The following PDZD8 variants were observed in gnomAD, a reference collection of about 807,000 sequenced individuals.
PDZD8 encodes PDZ domain containing 8.
PDZD8 carries 14 observed loss-of-function variants against 85.8 expected under a neutral mutation model. The observed-to-expected ratio is 0.16, with a 90% CI of 0.11 to 0.26. PDZD8 has a LOEUF of 0.26. PDZD8 is among the 10% of genes least tolerant of loss of function. The probability of loss-of-function intolerance (pLI) is 1.00; values close to 1 mark genes in which losing one functional copy is unlikely to be tolerated. For synonymous variants in PDZD8, 592 were observed against 568.6 expected, an observed-to-expected ratio of 1.04 and a Z score of -0.59; for missense variants, 1,197 against 1,424.3, an observed-to-expected ratio of 0.84 and a Z score of 2.57.
intron 1 of PDZD8, among the ~76,000 whole-genome samples, chr10:117,358,220 G>A (rs903268291): frequency 2.0e-5 from 3 of 152,072 alleles, no homozygotes; most frequent in Admixed American, 6.6e-5. Context: ...TGAGTAACTC[G>A]TTTAACCTTT....
chr10:117,303,478 C>T (rs542473538), intron 3 of PDZD8, among the ~76,000 whole-genome samples: 5 of 152,240 alleles, frequency 3.3e-5, no homozygotes, highest in South Asian at 2.1e-4. Context: ...CCTGACTATG[C>T]GATAGAAAAG....
chr10:117,330,168 C>T (rs1844397861), intron 2 of PDZD8, among the ~76,000 whole-genome samples: 1 of 151,744 alleles, frequency 6.6e-6, no homozygotes, highest in Non-Finnish European at 1.5e-5. Context: ...GCTTGGTTGA[C>T]CTTTTATACA....
At chr10:117,304,355 C>T in intron 3 of PDZD8, among the ~76,000 whole-genome samples, 1 of 152,110 alleles carries the variant, frequency 6.6e-6, no homozygotes, top group Non-Finnish European at 1.5e-5. Context: ...TACCTGTACC[C>T]CCATCGTATC....
chr10:117,341,795 C>T (rs1844617788), intron 1 of PDZD8, among the ~76,000 whole-genome samples: 1 of 152,100 alleles, frequency 6.6e-6, no homozygotes, highest in South Asian at 2.1e-4. Flanking sequence ...GGATGTGGAG[C>T]CCACGAATAC....
chr10:117,339,412 T>C (rs1844571949), intron 2 of PDZD8, among the ~76,000 whole-genome samples: 1 of 152,140 alleles, frequency 6.6e-6, no homozygotes, highest in Non-Finnish European at 1.5e-5. Flanking sequence ...GTTGGCTTCA[T>C]GGAGCAGAGA....
intron 3 of PDZD8, among the ~76,000 whole-genome samples, chr10:117,309,344 TTC>T (rs1218818364): frequency 1.3e-5 from 2 of 151,886 alleles, no homozygotes; most frequent in African/African-American, 4.8e-5. Context: ...CCTCAAAGCA[TTC>T]AACTTATTAG....
At chr10:117,327,134 G>C (rs923355846) in intron 2 of PDZD8, among the ~76,000 whole-genome samples, 1 of 152,162 alleles carries the variant, frequency 6.6e-6, no homozygotes, top group Non-Finnish European at 1.5e-5. Context: ...TCAAAGAAAT[G>C]AGTGACCATG....
At chr10:117,307,581 A>G (rs1843965372) in intron 3 of PDZD8, among the ~76,000 whole-genome samples, 1 of 152,086 alleles carries the variant, frequency 6.6e-6, no homozygotes, top group Non-Finnish European at 1.5e-5. Context: ...AGTTAATAAA[A>G]CATCCTTATC....
At chr10:117,373,290 G>A (rs1342116273) in intron 1 of PDZD8, among the ~76,000 whole-genome samples, 1 of 152,108 alleles carries the variant, frequency 6.6e-6, no homozygotes, top group Non-Finnish European at 1.5e-5. Flanking sequence ...AATACAATTT[G>A]TACAGTGACT....
chr10:117,328,262 G>A (rs904649653), intron 2 of PDZD8, among the ~76,000 whole-genome samples: 1 of 152,162 alleles, frequency 6.6e-6, no homozygotes, highest in African/African-American at 2.4e-5. Context: ...CTATGTCAGT[G>A]CTTCTTGTGC....
intron 3 of PDZD8, among the ~76,000 whole-genome samples, chr10:117,292,730 T>C (rs979638068): frequency 1.3e-5 from 2 of 151,788 alleles, no homozygotes; most frequent in African/African-American, 4.8e-5. Flanking sequence ...TCCCTTTGCT[T>C]TTCTTAATTC....
At chr10:117,342,543 T>C (rs1270276077) in intron 1 of PDZD8, among the ~76,000 whole-genome samples, 1 of 152,230 alleles carries the variant, frequency 6.6e-6, no homozygotes, top group Admixed American at 6.5e-5. Flanking sequence ...AGTGGCACGA[T>C]CTTGGCTCAC....
chr10:117,353,451 C>T (rs1018451245), intron 1 of PDZD8, among the ~76,000 whole-genome samples: 2 of 152,026 alleles, frequency 1.3e-5, no homozygotes, highest in Admixed American at 6.6e-5. Flanking sequence ...AAAAGATCAA[C>T]GAATCTCTCT....
chr10:117,337,407 C>CA (rs903963483), intron 2 of PDZD8, among the ~76,000 whole-genome samples: 2 of 152,062 alleles, frequency 1.3e-5, no homozygotes, highest in Admixed American at 6.6e-5. Context: ...TTCATCAACT[C>CA]AAAAAAACAT....
At chr10:117,345,699 C>T (rs1459808283) in intron 1 of PDZD8, among the ~76,000 whole-genome samples, 1 of 151,766 alleles carries the variant, frequency 6.6e-6, no homozygotes, top group Non-Finnish European at 1.5e-5. Context: ...AAAAACAAAA[C>T]AAAACAAACA....
chr10:117,322,754 G>A (rs1844247596), intron 2 of PDZD8, among the ~76,000 whole-genome samples: 1 of 152,172 alleles, frequency 6.6e-6, no homozygotes, highest in African/African-American at 2.4e-5. Flanking sequence ...GGTGAGGCAT[G>A]TAAGAGCTAT....
At chr10:117,359,307 T>C (rs1026055319) in intron 1 of PDZD8, among the ~76,000 whole-genome samples, 4 of 151,542 alleles carry the variant, frequency 2.6e-5, no homozygotes, top group Non-Finnish European at 5.9e-5. Context: ...TCCCAGCTAC[T>C]GGGGAGGCTG....
intron 4 of PDZD8, among the ~76,000 whole-genome samples, chr10:117,289,415 CA>C (rs914803443): frequency 2.6e-5 from 4 of 152,164 alleles, no homozygotes; most frequent in African/African-American, 9.7e-5. Flanking sequence ...CTTTTCAGAT[CA>C]ACTGTGACCA....
chr10:117,364,517 CA>C (rs201393038), intron 1 of PDZD8, among the ~76,000 whole-genome samples: 5 of 149,132 alleles, frequency 3.4e-5, no homozygotes, highest in East Asian at 2.0e-4. Flanking sequence ...GAAGTCTGAG[CA>C]AAAAAAAATT....
Sources: gnomAD v4.1 joint callset for allele counts (sites outside exome capture counted in the v4.1 genomes callset) on GRCh38, gnomAD v4.1.1 for gene constraint, MANE v1.5 for transcripts, NCBI Gene and HGNC (gene_info 2026-07-23, HGNC 2026-07-21) for gene names.